Variants in SELENOF observed in about 807,000 individuals in gnomAD.
SELENOF encodes the protein 15 kDa selenoprotein.
Under a neutral mutation model 20.5 loss-of-function variants are expected in SELENOF, and 16 were observed. That is an observed-to-expected ratio of 0.78 (90% confidence interval 0.53 to 1.19). The LOEUF is 1.19. SELENOF is among the 50% of genes most tolerant of loss of function. SELENOF has a pLI of 0.00. For synonymous variants in SELENOF, 78 were observed against 74.5 expected, an observed-to-expected ratio of 1.05 and a Z score of -0.24; for missense variants, 215 against 194.2, an observed-to-expected ratio of 1.11 and a Z score of -0.64.
At position 86,863,161 on chromosome 1, in the gene SELENOF, C is replaced by A; in HGVS notation, c.*313G>T. On this transcript the variant is annotated 3_prime_UTR_variant, in exon 5 of 5. Transcript: ENST00000331835. ...TTGTTAACCTCTCTAATTTAGAAAT[C>A]TGTTGTTCGTAAAACTGGACCAATT... is the stretch of plus-strand genomic sequence containing the variant. The A allele has an allele frequency of 4.5e-6, 1 of 223,220 alleles. No individual in the cohort carries two copies. Among genetic ancestry groups the A allele is most frequent in the Non-Finnish European group, 8.8e-6 (1 of 113,302 alleles). The allele number at this position is 223,220 out of a possible 1,614,324, so 13.8% of individuals were successfully genotyped here.
intron 2 of SELENOF, chr1:86,887,065 A>T: frequency 7.4e-7 from 1 of 1,347,530 alleles, no homozygotes; most frequent in South Asian, 1.8e-5. Flanking sequence ...TATCACCTAA[A>T]CCATGTTTAG....
chr1:86,884,134 C>T (rs1222826539), intron 2 of SELENOF, among the ~76,000 whole-genome samples: 3 of 152,096 alleles, frequency 2.0e-5, no homozygotes, highest in South Asian at 2.1e-4. Context: ...TATAGGTGTG[C>T]CGAAGGGAGA....
intron 3 of SELENOF, among the ~76,000 whole-genome samples, chr1:86,872,232 T>TTA (rs1658792171): frequency 1.3e-5 from 2 of 152,316 alleles, no homozygotes; most frequent in East Asian, 3.9e-4. Context: ...AAATGAGCAA[T>TTA]GTGCTTTGAA....
intron 2 of SELENOF, among the ~76,000 whole-genome samples, chr1:86,899,829 G>A (rs1424835463): frequency 6.7e-6 from 1 of 149,790 alleles, no homozygotes; most frequent in Non-Finnish European, 1.5e-5. Flanking sequence ...TCACTTCTCA[G>A]ACGGGGCGGT....
intron 3 of SELENOF, among the ~76,000 whole-genome samples, chr1:86,875,501 T>C (rs1015420968): frequency 6.6e-6 from 1 of 152,162 alleles, no homozygotes; most frequent in Non-Finnish European, 1.5e-5. Flanking sequence ...AACACAGGCT[T>C]TTCACCAGAT....
intron 3 of SELENOF, among the ~76,000 whole-genome samples, chr1:86,873,092 T>A (rs1011159327): frequency 5.9e-5 from 8 of 135,926 alleles, no homozygotes; most frequent in South Asian, 4.5e-4. Context: ...AATAAATAAA[T>A]AAAATAAAAA....
intron 3 of SELENOF, among the ~76,000 whole-genome samples, chr1:86,877,347 A>G (rs1252164332): frequency 1.3e-5 from 2 of 152,232 alleles, no homozygotes; most frequent in African/African-American, 2.4e-5. Flanking sequence ...TCTTTCCAAC[A>G]AAACTCCAAT....
At chr1:86,912,937 T>C (rs1482567088) in intron 1 of SELENOF, among the ~76,000 whole-genome samples, 1 of 152,100 alleles carries the variant, frequency 6.6e-6, no homozygotes, top group Non-Finnish European at 1.5e-5. Context: ...TGAAATGTTA[T>C]CTCGAATGAC....
At position 86,884,408 on chromosome 1, in the gene SELENOF, CAT is replaced by C. The variant is rs535693751; in HGVS notation, c.253-3685_253-3684del. 5.9e-3 allele frequency among the ~76,000 whole-genome samples: 897 copies of C among 151,492 alleles called. 8 individuals carry two copies. Among genetic ancestry groups the C allele is most frequent in the Middle Eastern group, 0.021 (6 of 292 alleles). ...ACACACATATATATACACGCACACA[CAT>C]ATATATATATGATTTGTGGTGTTCA... On this transcript the variant is annotated intron_variant, in intron 2 of 4. Transcript: ENST00000331835.
chr1:86,885,454 TACAC>T (rs1374964086), intron 2 of SELENOF, among the ~76,000 whole-genome samples: 1 of 152,158 alleles, frequency 6.6e-6, no homozygotes, highest in Non-Finnish European at 1.5e-5. Context: ...ACTTGAGAAT[TACAC>T]ACATTTTCTG....
intron 3 of SELENOF, 102 bp downstream of exon 3, chr1:86,880,560 A>T: frequency 1.6e-6 from 1 of 614,766 alleles, no homozygotes; most frequent in Non-Finnish European, 2.8e-6. Flanking sequence ...AAGAAAGTAT[A>T]ATCCTAAAAA....
intron 1 of SELENOF, among the ~76,000 whole-genome samples, chr1:86,907,922 A>G (rs929598323): frequency 1.3e-5 from 2 of 150,238 alleles, no homozygotes; most frequent in African/African-American, 4.9e-5. Context: ...GGAGGCGGAG[A>G]TTGCAGTAAG....
intron 3 of SELENOF, among the ~76,000 whole-genome samples, chr1:86,873,548 T>G (rs1658840052): frequency 6.6e-6 from 1 of 151,896 alleles, no homozygotes; most frequent in Non-Finnish European, 1.5e-5. Flanking sequence ...ATGTTTAGTT[T>G]TATATAATTT....
At chr1:86,900,828 A>G (rs1041722164) in intron 2 of SELENOF, among the ~76,000 whole-genome samples, 1 of 152,150 alleles carries the variant, frequency 6.6e-6, no homozygotes, top group Non-Finnish European at 1.5e-5. Context: ...GTGAGCCATC[A>G]CACCCGAGTT....
chr1:86,866,410 A>G lies in SELENOF; in HGVS notation c.366+1643T>C, dbSNP rs968333635. ...AAGTATCTGAAGTAGTCAAAACTAT[A>G]GAAACAGAAAACAGGTAGTTGTCAC... On this transcript the variant is annotated intron_variant, in intron 4 of 4. Coordinates refer to ENST00000331835, the MANE Select transcript of SELENOF (RefSeq NM_004261.5). Among the ~76,000 whole-genome samples the G allele has an allele frequency of 1.3e-5, 2 of 151,428 alleles. 1 individual carries two copies. Among genetic ancestry groups the G allele is most frequent in the Non-Finnish European group, 2.9e-5 (2 of 67,888 alleles).
intron 2 of SELENOF, among the ~76,000 whole-genome samples, chr1:86,881,794 G>C (rs1004496281): frequency 6.6e-6 from 1 of 152,206 alleles, no homozygotes. Context: ...CAATTCTTAC[G>C]TTTTTGGGGA....
intron 1 of SELENOF, among the ~76,000 whole-genome samples, chr1:86,905,500 G>C (rs1400006130): frequency 6.6e-6 from 1 of 152,134 alleles, no homozygotes. Flanking sequence ...TCATTAGCCA[G>C]AGTACTTTTC....
chr1:86,884,171 G>A (rs1484046050), intron 2 of SELENOF, among the ~76,000 whole-genome samples: 1 of 151,978 alleles, frequency 6.6e-6, no homozygotes, highest in Non-Finnish European at 1.5e-5. Flanking sequence ...AAAATTAAAT[G>A]CCTCTTTTTT....
chr1:86,881,485 G>A (rs1430311646), intron 2 of SELENOF, among the ~76,000 whole-genome samples: 1 of 152,212 alleles, frequency 6.6e-6, no homozygotes, highest in African/African-American at 2.4e-5. Context: ...ACTTGGAAAT[G>A]CTGTGACCAT....
Sources: allele counts gnomAD v4.1 joint callset (sites outside exome capture counted in the v4.1 genomes callset), GRCh38; gene constraint gnomAD v4.1.1; transcripts MANE v1.5; gene names NCBI Gene and HGNC (gene_info 2026-07-23, HGNC 2026-07-21).